The following PCDH15 variants were observed in gnomAD, a reference collection of about 807,000 sequenced individuals.
PCDH15 encodes the protein protocadherin related 15.
Under a neutral mutation model 178.5 loss-of-function variants are expected in PCDH15, and 129 were observed. The observed-to-expected ratio is 0.72, with a 90% CI of 0.63 to 0.84. The LOEUF (loss-of-function observed/expected upper bound fraction) is 0.84. Ranked by LOEUF, PCDH15 falls within the 40% of genes least tolerant of loss-of-function variation. PCDH15 has a pLI of 0.00. For synonymous variants in PCDH15, 800 were observed against 732.0 expected, an observed-to-expected ratio of 1.09 and a Z score of -1.50; for missense variants, 2,230 against 2,099.9, an observed-to-expected ratio of 1.06 and a Z score of -1.21.
chr10:54,096,148 A>G (rs1590389773), intron 15 of PCDH15, among the ~76,000 whole-genome samples: 1 of 152,104 alleles, frequency 6.6e-6, no homozygotes, highest in East Asian at 2.0e-4. Flanking sequence ...ATGCCTTTTG[A>G]AACTCATTTT....
intron 8 of PCDH15, among the ~76,000 whole-genome samples, chr10:54,303,660 G>C (rs115107535): frequency 0.012 from 1,873 of 152,134 alleles, 36 homozygotes; most frequent in African/African-American, 0.04. Flanking sequence ...TAAACACTAC[G>C]TGGTATAAAA....
intron 2 of PCDH15, among the ~76,000 whole-genome samples, chr10:55,132,084 G>A (rs1352875838): frequency 6.6e-6 from 1 of 152,148 alleles, no homozygotes; most frequent in East Asian, 1.9e-4. Context: ...CAACTTGGAA[G>A]GGGGAATGAG....
chr10:54,300,981 G>T (rs1267192476), intron 8 of PCDH15, among the ~76,000 whole-genome samples: 9 of 152,100 alleles, frequency 5.9e-5, no homozygotes, highest in Non-Finnish European at 1.0e-4. Flanking sequence ...CACTCTTTGG[G>T]TCTGTACCAC....
Position 54,693,058 on chromosome 10 carries a change from G to T in PCDH15, c.-28-28768C>A, listed in dbSNP as rs982713943. 2.0e-5 allele frequency among the ~76,000 whole-genome samples: 3 copies of T among 151,656 alleles called. 1 individual carries two copies. The South Asian group carries it at 6.3e-4, about 32-fold the overall frequency. On this transcript the variant is annotated intron_variant, in intron 1 of 37. Coordinates refer to ENST00000644397, the MANE Select transcript of PCDH15 (RefSeq NM_001384140.1). ...ATACCCTACCCCGCAACAGGCCCTC[G>T]TGTGTATTGTTCCCCTCTCTCTGTC...
intron 3 of PCDH15, among the ~76,000 whole-genome samples, chr10:54,878,696 CAT>C (rs1022101709): frequency 9.2e-5 from 14 of 152,136 alleles, no homozygotes; most frequent in African/African-American, 3.1e-4. Flanking sequence ...TTCTGGGACA[CAT>C]GTGCAGGATG....
intron 14 of PCDH15, among the ~76,000 whole-genome samples, chr10:54,145,963 C>T (rs992928114): frequency 6.6e-6 from 1 of 152,038 alleles, no homozygotes; most frequent in African/African-American, 2.4e-5. Context: ...CCAGGTAAAA[C>T]TGCACTTGTA....
intron 1 of PCDH15, among the ~76,000 whole-genome samples, chr10:54,682,770 T>G (rs980363173): frequency 1.3e-5 from 2 of 152,164 alleles, no homozygotes; most frequent in Admixed American, 6.6e-5. Context: ...TCAGAAGTTC[T>G]TAACTGAGTC....
intron 2 of PCDH15, among the ~76,000 whole-genome samples, chr10:54,594,873 G>T (rs2092124453): frequency 6.6e-6 from 1 of 152,144 alleles, no homozygotes; most frequent in African/African-American, 2.4e-5. Flanking sequence ...TGCCAAAACT[G>T]CTGGCATGAA....
At chr10:54,865,453 A>G (rs1953922661) in intron 3 of PCDH15, among the ~76,000 whole-genome samples, 1 of 152,202 alleles carries the variant, frequency 6.6e-6, no homozygotes, top group South Asian at 2.1e-4. Flanking sequence ...CTGAGCCACT[A>G]CTAGCTTCCT....
At chr10:53,958,369 T>C (rs1217990828) in intron 23 of PCDH15, among the ~76,000 whole-genome samples, 1 of 152,218 alleles carries the variant, frequency 6.6e-6, no homozygotes, top group East Asian at 1.9e-4. Context: ...TCTTTTTGGA[T>C]TGACTAAACT....
chr10:53,819,194 A>T (rs556530728), intron 33 of PCDH15, among the ~76,000 whole-genome samples: 43 of 151,974 alleles, frequency 2.8e-4, no homozygotes, highest in Middle Eastern at 3.4e-3. Flanking sequence ...ATTTAGGTTT[A>T]AACAATGACA....
chr10:54,775,912 C>A lies in PCDH15; in HGVS notation c.-29+25013G>T, dbSNP rs923228956. 2.6e-5 allele frequency among the ~76,000 whole-genome samples: 4 copies of A among 151,992 alleles called. No homozygotes were observed. In the South Asian group the frequency reaches 8.3e-4, roughly 32 times the overall value. On this transcript the variant is annotated intron_variant, in intron 1 of 37. Coordinates refer to ENST00000644397, the MANE Select transcript of PCDH15 (RefSeq NM_001384140.1). ...AACAACAACAAACACATAAAAAAAA[C>A]AAATATCTCCACATCCTTCCTTTCC...
intron 2 of PCDH15, among the ~76,000 whole-genome samples, chr10:55,571,212 A>G (rs1265197386): frequency 6.6e-6 from 1 of 152,038 alleles, no homozygotes; most frequent in Non-Finnish European, 1.5e-5. Context: ...CATGTGATGC[A>G]CAGGCTCCCA....
At chr10:55,589,081 C>CAAAAA (rs35940637) in intron 2 of PCDH15, among the ~76,000 whole-genome samples, 6 of 81,134 alleles carry the variant, frequency 7.4e-5, no homozygotes, top group South Asian at 4.4e-4. Flanking sequence ...AATTCCGTGT[C>CAAAAA]AAAAAAAAAA....
chr10:54,648,309 G>A (rs934622315), intron 2 of PCDH15, among the ~76,000 whole-genome samples: 1 of 152,128 alleles, frequency 6.6e-6, no homozygotes. Flanking sequence ...TCTCCAGTCA[G>A]TGTAAATGTA....
At chr10:55,466,697 A>C (rs76602449) in intron 2 of PCDH15, among the ~76,000 whole-genome samples, 3,258 of 152,262 alleles carry the variant, frequency 0.021, 118 homozygotes, top group African/African-American at 0.074. Context: ...ACTCACATAG[A>C]GATGACCATG....
intron 2 of PCDH15, among the ~76,000 whole-genome samples, chr10:55,073,061 A>G (rs1317510175): frequency 1.3e-5 from 2 of 152,190 alleles, no homozygotes; most frequent in Non-Finnish European, 2.9e-5. Context: ...TTTCATGCTA[A>G]AAACTCTCAA....
intron 8 of PCDH15, among the ~76,000 whole-genome samples, chr10:54,301,789 T>C (rs945495844): frequency 2.0e-5 from 3 of 152,090 alleles, no homozygotes; most frequent in Non-Finnish European, 2.9e-5. Flanking sequence ...ATGAAGGTAA[T>C]TGAGAGGGGA....
At chr10:54,877,912 C>A (rs1278574192) in intron 3 of PCDH15, among the ~76,000 whole-genome samples, 5 of 137,160 alleles carry the variant, frequency 3.6e-5, no homozygotes, top group African/African-American at 8.1e-5. Flanking sequence ...TTTAGAAATT[C>A]TCTTATTCTC....
Sources: allele counts gnomAD v4.1 joint callset (sites outside exome capture counted in the v4.1 genomes callset), GRCh38; gene constraint gnomAD v4.1.1; transcripts MANE v1.5; gene names NCBI Gene and HGNC (gene_info 2026-07-23, HGNC 2026-07-21).